Variants in COL22A1 observed in about 807,000 individuals in gnomAD.
COL22A1 encodes collagen alpha-1(XXII) chain.
In COL22A1, 221 loss-of-function variants were observed where a neutral mutation model predicts 248.9. That is an observed-to-expected ratio of 0.89 (90% CI 0.80 to 0.99). The LOEUF (loss-of-function observed/expected upper bound fraction) is 0.99, where lower values mean the gene tolerates loss of function less well. Among genes scored for constraint, COL22A1 ranks in the 50% least tolerant of loss-of-function variants. The pLI is 0.00. For missense variants in COL22A1, 2,240 were observed against 2,179.0 expected (o/e 1.03, Z -0.56); for synonymous variants, 891 against 793.4 (o/e 1.12, Z -2.07).
intron 56 of COL22A1, among the ~76,000 whole-genome samples, chr8:138,611,476 C>T (rs1818858682): frequency 6.6e-6 from 1 of 152,216 alleles, no homozygotes; most frequent in Non-Finnish European, 1.5e-5. Flanking sequence ...CCACCCCACT[C>T]CTGGGGGGCT....
intron 41 of COL22A1, among the ~76,000 whole-genome samples, chr8:138,671,167 C>T (rs1321581020): frequency 6.6e-6 from 1 of 151,576 alleles, no homozygotes; most frequent in Non-Finnish European, 1.5e-5. Context: ...ACCCAGTGGC[C>T]TAGAAATACT....
chr8:138,730,641 C>A (rs988852301), intron 23 of COL22A1, among the ~76,000 whole-genome samples: 1 of 152,128 alleles, frequency 6.6e-6, no homozygotes, highest in Non-Finnish European at 1.5e-5. Flanking sequence ...TGTATAAAAA[C>A]CATGGCTTCC....
intron 1 of COL22A1, among the ~76,000 whole-genome samples, chr8:138,902,641 G>C (rs1814670889): frequency 6.6e-6 from 1 of 151,740 alleles, no homozygotes; most frequent in South Asian, 2.1e-4. Context: ...GGGAGGCAGA[G>C]GTTGCAGTGA....
At chr8:138,719,877 C>A (rs575120544) in intron 27 of COL22A1, among the ~76,000 whole-genome samples, 1 of 152,328 alleles carries the variant, frequency 6.6e-6, no homozygotes, top group East Asian at 1.9e-4. Flanking sequence ...GTAGCTCATA[C>A]CCCAGTAGAG....
intron 60 of COL22A1, 65 bp downstream of exon 60, chr8:138,602,050 C>A: frequency 6.4e-7 from 1 of 1,568,786 alleles, no homozygotes; most frequent in East Asian, 2.2e-5. Flanking sequence ...CCAGGCTCAA[C>A]ATCCTGTGGC....
intron 16 of COL22A1, among the ~76,000 whole-genome samples, chr8:138,774,037 A>T (rs1212869764): frequency 6.6e-6 from 1 of 152,166 alleles, no homozygotes. Context: ...TCCAAATGCC[A>T]CTTTTATGTC....
At chr8:138,636,532 A>AAAGGAAAGGAAAGGCAAGGCAAGGC (rs59983327) in intron 48 of COL22A1, among the ~76,000 whole-genome samples, 13 of 82,338 alleles carry the variant, frequency 1.6e-4, no homozygotes, top group Admixed American at 4.6e-4. Context: ...AAAGGAAAGG[A>AAAGGAAAGGAAAGGCAAGGCAAGGC]AAGGCAGGGA....
At chr8:138,732,475 G>A (rs1428182301) in intron 23 of COL22A1, among the ~76,000 whole-genome samples, 1 of 152,210 alleles carries the variant, frequency 6.6e-6, no homozygotes, top group African/African-American at 2.4e-5. Context: ...CCTCATTCCA[G>A]CTGCCATAAA....
chr8:138,619,355 C>G, intron 53 of COL22A1, 100 bp downstream of exon 53: 1 of 1,029,212 alleles, frequency 9.7e-7, no homozygotes, highest in South Asian at 1.4e-5. Flanking sequence ...CTTCTAGGAC[C>G]CCACGGTTGG....
intron 7 of COL22A1, among the ~76,000 whole-genome samples, chr8:138,816,871 CAT>C (rs1249927854): frequency 6.6e-6 from 1 of 152,194 alleles, no homozygotes; most frequent in Non-Finnish European, 1.5e-5. Flanking sequence ...TTGGTTTTAA[CAT>C]AAAAATGCAA....
intron 52 of COL22A1, 33 bp downstream of exon 52, chr8:138,623,699 A>G (rs1820012379): frequency 6.4e-7 from 1 of 1,572,670 alleles, no homozygotes; most frequent in Non-Finnish European, 8.7e-7. Flanking sequence ...TAGATTTGGC[A>G]TGTGATATAA....
At chr8:138,614,359 A>C (rs1412359288) in intron 55 of COL22A1, among the ~76,000 whole-genome samples, 1 of 152,192 alleles carries the variant, frequency 6.6e-6, no homozygotes, top group African/African-American at 2.4e-5. Context: ...AGTGTGATTC[A>C]CCACCACCTT....
intron 3 of COL22A1, among the ~76,000 whole-genome samples, chr8:138,867,457 A>G (rs1169124171): frequency 6.6e-6 from 1 of 152,208 alleles, no homozygotes; most frequent in African/African-American, 2.4e-5. Context: ...TATGATAACA[A>G]GAACCACAGT....
chr8:138,802,844 C>G (rs1338149616), intron 11 of COL22A1, 28 bp downstream of exon 11: 1 of 1,596,772 alleles, frequency 6.3e-7, no homozygotes, highest in Admixed American at 1.7e-5. Flanking sequence ...TGAGGTTCAG[C>G]CATGTAGAGG....
At position 138,833,358 on chromosome 8, in the gene COL22A1, A is replaced by G. The variant is rs16909678; in HGVS notation, c.734-208T>C. 1.6e-3 allele frequency among the ~76,000 whole-genome samples: 246 copies of G among 152,344 alleles called. 2 individuals are homozygous for G. In the East Asian group the frequency reaches 0.041, roughly 25 times the overall value. On this transcript the variant is annotated intron_variant, in intron 4 of 64. Coordinates refer to ENST00000303045, the MANE Select transcript of COL22A1 (RefSeq NM_152888.3). ...AGCCTTGGCTTCAACTCCAGGAAAA[A>G]GGTGCAGGAGAACACAGACAACTGG...
chr8:138,631,962 A>C (rs530894700), intron 49 of COL22A1, among the ~76,000 whole-genome samples: 35 of 152,194 alleles, frequency 2.3e-4, no homozygotes, highest in Non-Finnish European at 4.6e-4. Flanking sequence ...GATATAGTAA[A>C]TAATCAATAT....
intron 16 of COL22A1, among the ~76,000 whole-genome samples, chr8:138,763,882 T>C (rs923096840): frequency 6.6e-6 from 1 of 152,178 alleles, no homozygotes. Flanking sequence ...TTTTCATCTA[T>C]TATCCCTGTA....
chr8:138,894,363 C>T (rs955811018), intron 1 of COL22A1, among the ~76,000 whole-genome samples: 2 of 152,222 alleles, frequency 1.3e-5, no homozygotes, highest in African/African-American at 2.4e-5. Context: ...CCTTCCATAA[C>T]ACAGCCATGG....
chr8:138,782,977 T>G (rs1254978649), intron 12 of COL22A1, among the ~76,000 whole-genome samples: 1 of 152,176 alleles, frequency 6.6e-6, no homozygotes, highest in Non-Finnish European at 1.5e-5. Context: ...AAAGGGACTG[T>G]GCAAAGACAC....
Sources: gnomAD v4.1 joint callset for allele counts (sites outside exome capture counted in the v4.1 genomes callset) on GRCh38, gnomAD v4.1.1 for gene constraint, MANE v1.5 for transcripts, NCBI Gene and HGNC (gene_info 2026-07-23, HGNC 2026-07-21) for gene names.